Variants in TAS1R2 observed in about 807,000 individuals in gnomAD.
TAS1R2 encodes the protein taste 1 receptor member 2.
Under a neutral mutation model 49.3 loss-of-function variants are expected in TAS1R2, and 47 were observed. That is an observed-to-expected ratio of 0.95 (90% CI 0.75 to 1.22). The LOEUF (loss-of-function observed/expected upper bound fraction) is 1.22, where lower values mean the gene tolerates loss of function less well. Ranked by LOEUF, TAS1R2 falls within the 50% of genes most tolerant of loss-of-function variation. The probability of loss-of-function intolerance (pLI) is 0.00; values close to 1 mark genes in which losing one functional copy is unlikely to be tolerated. For missense variants in TAS1R2, 1,155 were observed against 1,122.1 expected (o/e 1.03, Z -0.42); for synonymous variants, 479 against 467.9 (o/e 1.02, Z -0.31).
intron 3 of TAS1R2, among the ~76,000 whole-genome samples, chr1:18,853,375 C>T (rs1934066603): frequency 7.2e-6 from 1 of 139,480 alleles, no homozygotes; most frequent in African/African-American, 2.7e-5. Context: ...TAAAGAATAA[C>T]TGCAATCTTT....
intron 4 of TAS1R2, among the ~76,000 whole-genome samples, chr1:18,847,762 G>A (rs1933948878): frequency 6.6e-6 from 1 of 152,158 alleles, no homozygotes; most frequent in African/African-American, 2.4e-5. Flanking sequence ...CCAATGACAG[G>A]CTGTATTAGT....
chr1:18,845,823 G>A (rs1933910120), intron 4 of TAS1R2, among the ~76,000 whole-genome samples: 1 of 152,150 alleles, frequency 6.6e-6, no homozygotes, highest in South Asian at 2.1e-4. Context: ...AGACACCTTG[G>A]GGAAGAAGGT....
intron 4 of TAS1R2, among the ~76,000 whole-genome samples, chr1:18,845,812 C>T (rs563323458): frequency 1.3e-5 from 2 of 152,280 alleles, no homozygotes; most frequent in South Asian, 2.1e-4. Context: ...ACTAAGGGCC[C>T]AGACACCTTG....
At chr1:18,840,214 G>T in exon 6 of TAS1R2, 1 of 1,614,112 alleles carries the variant, frequency 6.2e-7, no homozygotes, top group Admixed American at 1.7e-5. Flanking sequence ...GGGGAAAGAG[G>T]GCCTGGCGGC....
intron 2 of TAS1R2, among the ~76,000 whole-genome samples, chr1:18,855,857 T>G (rs1934129798): frequency 6.6e-6 from 1 of 152,142 alleles, no homozygotes; most frequent in African/African-American, 2.4e-5. Context: ...CGCACACAGG[T>G]CACACTGGAT....
chr1:18,840,242 T>G (rs756837440), exon 6 of TAS1R2: 1 of 1,613,900 alleles, frequency 6.2e-7, no homozygotes, highest in African/African-American at 1.3e-5. Context: ...GGTGGAGACC[T>G]TGGGCGGCCC....
chr1:18,845,799 G>T (rs1292165949), intron 4 of TAS1R2, among the ~76,000 whole-genome samples: 1 of 152,148 alleles, frequency 6.6e-6, no homozygotes, highest in Non-Finnish European at 1.5e-5. Context: ...GAAATGCAAG[G>T]CAACTAAGGG....
rs1013018087 is a variant in TAS1R2 at position 18,854,244 on chromosome 1, G to T, written c.1226C>A (p.Thr409Asn). 2.5e-6 allele frequency: 4 copies of T among 1,613,936 alleles called. No individual in the cohort carries two copies. Among genetic ancestry groups the T allele is most frequent in the East Asian group, 4.5e-5 (2 of 44,884 alleles). Reference sequence around the variant, plus strand: ...GGGGTAGACCACCCTCTTGGTGCAGGTGCTTTTGTCACAGCCGAGGAGGCT... The same window carrying T: ...GGGGTAGACCACCCTCTTGGTGCAGTTGCTTTTGTCACAGCCGAGGAGGCT... Residue 409 changes from threonine to asparagine, a missense_variant, in exon 3 of 6, where the codon ACC becomes AAC. Thr to Asn is a moderately conservative substitution (Grantham distance 65). Transcript: ENST00000375371. This position sits in a 1 kb window ranked among gnomAD's most constrained non-coding sequence, Gnocchi z 4.9.
At chr1:18,844,918 C>T (rs1173432161) in intron 4 of TAS1R2, among the ~76,000 whole-genome samples, 1 of 152,210 alleles carries the variant, frequency 6.6e-6, no homozygotes, top group Non-Finnish European at 1.5e-5. Context: ...TCATGGCTGA[C>T]CTAGCTACTG....
At chr1:18,852,567 T>G (rs970614586) in intron 3 of TAS1R2, among the ~76,000 whole-genome samples, 2 of 152,246 alleles carry the variant, frequency 1.3e-5, no homozygotes, top group Non-Finnish European at 2.9e-5. Flanking sequence ...CTTGTTGGGC[T>G]GTCTCAAGAA....
chr1:18,849,219 T>TC, intron 4 of TAS1R2, 122 bp downstream of exon 4: 1 of 1,032,196 alleles, frequency 9.7e-7, no homozygotes, highest in Non-Finnish European at 1.4e-6. Context: ...CAAATAGACA[T>TC]CCCCCCAGAG....
At chr1:18,849,240 C>A in intron 4 of TAS1R2, 101 bp downstream of exon 4, 1 of 1,227,076 alleles carries the variant, frequency 8.1e-7, no homozygotes, top group Non-Finnish European at 1.1e-6. Flanking sequence ...ATTGATAAAG[C>A]ATCTCCAGGC....
At chr1:18,841,690 G>A in intron 5 of TAS1R2, 39 bp downstream of exon 5, 3 of 1,594,588 alleles carry the variant, frequency 1.9e-6, no homozygotes, top group South Asian at 2.2e-5. Flanking sequence ...CAGGGGCAGG[G>A]CAGGGGCAGG....
chr1:18,841,691 C>G, intron 5 of TAS1R2, 38 bp downstream of exon 5: 1 of 1,594,942 alleles, frequency 6.3e-7, no homozygotes, highest in African/African-American at 1.3e-5. Context: ...AGGGGCAGGG[C>G]AGGGGCAGGG....
At chr1:18,858,376 ACACCATCAC>A (rs1934179804) in intron 1 of TAS1R2, 1 of 143,774 alleles carries the variant, frequency 7.0e-6, no homozygotes, top group South Asian at 2.3e-4. Flanking sequence ...ATCATCACCA[ACACCATCAC>A]CACCATCAGC....
intron 3 of TAS1R2, among the ~76,000 whole-genome samples, chr1:18,852,910 G>A (rs1180549200): frequency 1.3e-5 from 2 of 152,244 alleles, no homozygotes; most frequent in Admixed American, 1.3e-4. Flanking sequence ...CCTAGGTTGG[G>A]GGTCCCCCAG....
In TAS1R2 at chr1:18,854,102, CTA is replaced by C; in HGVS notation, c.1257+109_1257+110del. ...GTTTTGGCACCAGGAAGGACTAGTG[CTA>C]TGTGTCTGGAAGAATGGGATACTCA... On this transcript the variant is annotated intron_variant, in intron 3 of 5. Transcript: ENST00000375371. The surrounding 1 kb of genome is among the most constrained non-coding windows in gnomAD (Gnocchi z 4.9). The C allele has an allele frequency of 9.4e-7, 1 of 1,066,760 alleles. No homozygotes were observed. Among genetic ancestry groups the C allele is most frequent in the Non-Finnish European group, 1.3e-6 (1 of 747,236 alleles). The allele number at this position is 1,066,760 out of a possible 1,614,324, so 66.1% of individuals were successfully genotyped here.
At chr1:18,852,560 G>A (rs1021260617) in intron 3 of TAS1R2, among the ~76,000 whole-genome samples, 2 of 152,202 alleles carry the variant, frequency 1.3e-5, no homozygotes, top group African/African-American at 4.8e-5. Context: ...AAATTGGCTT[G>A]TTGGGCTGTC....
chr1:18,857,822 C>T (rs1569682291), intron 1 of TAS1R2, among the ~76,000 whole-genome samples, 191 bp from the exon 2 acceptor site: 1 of 152,116 alleles, frequency 6.6e-6, no homozygotes, highest in Non-Finnish European at 1.5e-5. Flanking sequence ...CACCATTGCC[C>T]ATATGGCCAC....
Sources: gnomAD v4.1 joint callset for allele counts (sites outside exome capture counted in the v4.1 genomes callset) on GRCh38, gnomAD v4.1.1 for gene constraint, Gnocchi (gnomAD v3.1) non-coding constraint, MANE v1.5 for transcripts, NCBI Gene and HGNC (gene_info 2026-07-23, HGNC 2026-07-21) for gene names.